The following TAOK1 variants were observed in gnomAD, a reference collection of about 807,000 sequenced individuals.
TAOK1 encodes TAO kinase 1, also known as serine/threonine-protein kinase TAO1.
A neutral mutation model predicts 138.3 loss-of-function variants in TAOK1; 21 were observed. That is an observed-to-expected ratio of 0.15 (90% confidence interval 0.11 to 0.22). The LOEUF (loss-of-function observed/expected upper bound fraction) is 0.22. Ranked by LOEUF, TAOK1 falls within the 10% of genes least tolerant of loss-of-function variation. The pLI is 1.00. For missense variants in TAOK1, 651 were observed against 1,227.7 expected, an observed-to-expected ratio of 0.53 and a Z score of 7.02; for synonymous variants, 361 against 398.4, an observed-to-expected ratio of 0.91 and a Z score of 1.12.
intron 13 of TAOK1, among the ~76,000 whole-genome samples, chr17:29,506,311 A>G (rs2031629297): frequency 6.6e-6 from 1 of 152,226 alleles, no homozygotes; most frequent in Non-Finnish European, 1.5e-5. Flanking sequence ...GTCATTTGCA[A>G]GAACATGAAT....
chr17:29,466,502 G>A (rs1318618618), intron 2 of TAOK1, among the ~76,000 whole-genome samples: 2 of 152,080 alleles, frequency 1.3e-5, no homozygotes, highest in Non-Finnish European at 2.9e-5. Flanking sequence ...AATTTGGTTT[G>A]CTAATTTTAG....
chr17:29,491,480 GA>G (rs536341825), intron 9 of TAOK1, among the ~76,000 whole-genome samples: 20 of 147,222 alleles, frequency 1.4e-4, no homozygotes, highest in Non-Finnish European at 2.1e-4. Context: ...GGGTTTGAAA[GA>G]AAAAAAAAAG....
intron 17 of TAOK1, among the ~76,000 whole-genome samples, chr17:29,526,952 C>A (rs9747928): frequency 0.012 from 1,762 of 151,584 alleles, 36 homozygotes; most frequent in African/African-American, 0.039. Flanking sequence ...AGGGTGAAAC[C>A]CCATCTCTAC....
At chr17:29,458,261 G>A (rs1051211950) in intron 2 of TAOK1, among the ~76,000 whole-genome samples, 7 of 152,152 alleles carry the variant, frequency 4.6e-5, no homozygotes, top group African/African-American at 1.7e-4. Flanking sequence ...ATTTTTTATG[G>A]ATGTTTTGAT....
intron 12 of TAOK1, 70 bp downstream of exon 12, chr17:29,498,591 AGAAG>A: frequency 2.0e-6 from 3 of 1,527,628 alleles, no homozygotes; most frequent in Non-Finnish European, 2.7e-6. Flanking sequence ...TTAGTTTAAG[AGAAG>A]GAAGAAGGAA....
intron 8 of TAOK1, among the ~76,000 whole-genome samples, chr17:29,488,103 G>A (rs759079133): frequency 3.3e-5 from 5 of 152,270 alleles, no homozygotes; most frequent in Admixed American, 6.5e-5. Flanking sequence ...ATCTTCAGAG[G>A]ATTGGTTCCA....
chr17:29,468,122 T>C (rs537318388), intron 3 of TAOK1, among the ~76,000 whole-genome samples: 27 of 147,404 alleles, frequency 1.8e-4, no homozygotes, highest in Admixed American at 1.0e-3. Context: ...CCACTGTGCT[T>C]GGCCTGCTTT....
rs750735679 is a variant in TAOK1 at position 29,498,328 on chromosome 17, A to T, written c.1010A>T (p.His337Leu). ...EAQEEEEEQDHGVGRTGTVNS... is the reference protein window; with the variant it reads ...EAQEEEEEQDLGVGRTGTVNS... Reference sequence around the variant, plus strand: ...GTCCTTTTCTCTTAGGAACAAGATCATGGTGTTGGCCGGACAGGAACAGTT... The same window carrying T: ...GTCCTTTTCTCTTAGGAACAAGATCTTGGTGTTGGCCGGACAGGAACAGTT... Residue 337 changes from histidine (H) to leucine (L), a missense_variant, in exon 12 of 20, where the codon CAT becomes CTT. By Grantham distance (99) the His-to-Leu change is moderately conservative. This residue lies in a region of TAOK1 where 104 missense variants were observed against 151.7 expected (regional missense o/e 0.69). Transcript: ENST00000261716. The T allele has an allele frequency of 6.2e-6, 10 of 1,614,038 alleles. No individual in the cohort carries two copies. In the Admixed American group the frequency reaches 1.3e-4, roughly 22 times the overall value.
chr17:29,397,672 T>TATACATGTATACATGTATATTCATATATG (rs1904679603), intron 1 of TAOK1, among the ~76,000 whole-genome samples: 1 of 59,614 alleles, frequency 1.7e-5, no homozygotes, highest in Non-Finnish European at 3.1e-5. Context: ...ATGATACATG[T>TATACATGTATACATGTATATTCATATATG]ATACATGTAT....
chr17:29,532,920 G>A lies in TAOK1; in HGVS notation c.2362-1198G>A, dbSNP rs1353690292. On this transcript the variant is annotated intron_variant, in intron 18 of 19. Coordinates refer to ENST00000261716, the MANE Select transcript of TAOK1 (RefSeq NM_020791.4). The stretch of plus-strand genomic sequence containing the variant: ...GCGCCCCTCACCTCCTAGACGGGGC[G>A]GCTGGCCGGGTGGGGGGCTGACCCC... Among the ~76,000 whole-genome samples, 8 of 149,164 alleles carry A rather than the reference G, an allele frequency of 5.4e-5. No individual in the cohort carries two copies. In the East Asian group the frequency reaches 1.0e-3, roughly 19 times the overall value.
Position 29,480,428 on chromosome 17 carries a change from T to C in TAOK1, c.510T>C (p.Phe170=). 6.2e-7 allele frequency: 1 copy of C among 1,613,638 alleles called. No homozygotes were observed. Among genetic ancestry groups the C allele is most frequent in the Non-Finnish European group, 8.5e-7 (1 of 1,179,642 alleles). ...TEPGQVKLAD[F]GSASMASPAN... ...CAGGCCAGGTGAAACTTGCTGACTTTGGCTCTGCTTCCATGGCATCACCTG... is the reference window on the plus strand; with the variant it reads ...CAGGCCAGGTGAAACTTGCTGACTTCGGCTCTGCTTCCATGGCATCACCTG... Residue 170 remains phenylalanine (F), a synonymous_variant, in exon 7 of 20, where the codon TTT becomes TTC. Transcript: ENST00000261716.
intron 2 of TAOK1, among the ~76,000 whole-genome samples, chr17:29,466,391 G>A (rs1236165176): frequency 1.3e-5 from 2 of 152,058 alleles, no homozygotes; most frequent in East Asian, 1.9e-4. Context: ...TGATCCACCC[G>A]CTTCACCCTC....
intron 11 of TAOK1, among the ~76,000 whole-genome samples, chr17:29,496,178 G>A (rs1442559493): frequency 1.3e-5 from 2 of 152,104 alleles, no homozygotes; most frequent in African/African-American, 4.8e-5. Flanking sequence ...TCGGCTCACT[G>A]CAACCTCCAC....
At chr17:29,517,735 T>C in intron 16 of TAOK1, 79 bp downstream of exon 16, 2 of 1,379,448 alleles carry the variant, frequency 1.4e-6, no homozygotes, top group Non-Finnish European at 2.0e-6. Flanking sequence ...CATTCTAGTC[T>C]CAGGGACTTT....
intron 10 of TAOK1, among the ~76,000 whole-genome samples, chr17:29,493,416 C>T (rs1262518820): frequency 6.6e-6 from 1 of 151,764 alleles, no homozygotes; most frequent in Admixed American, 6.6e-5. Flanking sequence ...ATCGCTTGAA[C>T]CCAGGAGGCA....
At chr17:29,452,434 G>T (rs2030263141) in intron 2 of TAOK1, among the ~76,000 whole-genome samples, 1 of 151,974 alleles carries the variant, frequency 6.6e-6, no homozygotes, top group Non-Finnish European at 1.5e-5. Flanking sequence ...TAGTCTTGTG[G>T]AGGTCTAGGA....
intron 1 of TAOK1, among the ~76,000 whole-genome samples, chr17:29,418,965 A>T (rs1905344625): frequency 6.9e-6 from 1 of 144,126 alleles, no homozygotes; most frequent in African/African-American, 2.6e-5. Context: ...TTTTAGAATC[A>T]GTTTGTCAGT....
At chr17:29,452,867 G>C (rs2030272686) in intron 2 of TAOK1, among the ~76,000 whole-genome samples, 3 of 151,872 alleles carry the variant, frequency 2.0e-5, no homozygotes, top group Admixed American at 2.0e-4. Context: ...ACCATAATTT[G>C]TTTATCTATA....
chr17:29,424,427 AC>A (rs1223551992), intron 1 of TAOK1, among the ~76,000 whole-genome samples: 1 of 120,184 alleles, frequency 8.3e-6, no homozygotes, highest in Non-Finnish European at 1.6e-5. Flanking sequence ...ACAGAGCGAG[AC>A]TCCCTCTCAA....
Sources: gnomAD v4.1 joint callset for allele counts (sites outside exome capture counted in the v4.1 genomes callset) on GRCh38, gnomAD v4.1.1 for gene constraint, gnomAD v4.1.1 regional missense constraint, MANE v1.5 for transcripts, NCBI Gene and HGNC (gene_info 2026-07-23, HGNC 2026-07-21) for gene names.